The following P2RY8 variants were observed in gnomAD, a reference collection of about 807,000 sequenced individuals.
The protein encoded by P2RY8 is P2Y receptor family member 8, also known as S-geranylgeranyl-glutathione receptor P2RY8.
A neutral mutation model predicts 10.0 loss-of-function variants in P2RY8; 6 were observed. The ratio of observed to expected loss-of-function variants is 0.60; its 90% CI spans 0.33 to 1.19. The LOEUF (loss-of-function observed/expected upper bound fraction) is 1.19. Among genes scored for constraint, P2RY8 ranks in the 50% most tolerant of loss-of-function variants. P2RY8 has a pLI of 0.04. For synonymous variants in P2RY8, 276 were observed against 252.5 expected (o/e 1.09, Z -0.88); for missense variants, 456 against 542.0 (o/e 0.84, Z 1.58).
chrX:1,467,046 C>T (rs1324450862), intron 1 of P2RY8, among the ~76,000 whole-genome samples: 1 of 136,638 alleles, frequency 7.3e-6, no homozygotes, highest in Admixed American at 7.4e-5. Context: ...GACTCAGTGT[C>T]CCCCGTGGAC....
At chrX:1,512,407 CGTG>C (rs2092304912) in intron 1 of P2RY8, among the ~76,000 whole-genome samples, 1 of 151,820 alleles carries the variant, frequency 6.6e-6, no homozygotes, top group African/African-American at 2.4e-5. Flanking sequence ...ATTAGCCAGG[CGTG>C]GTGGTGGGTA....
intron 1 of P2RY8, among the ~76,000 whole-genome samples, chrX:1,478,838 T>C (rs1258491872): frequency 6.6e-6 from 1 of 151,972 alleles, no homozygotes; most frequent in Non-Finnish European, 1.5e-5. Flanking sequence ...AGCTAGGTGG[T>C]GGGCTCATGG....
Position 1,481,766 on chromosome X carries a change from A to C in P2RY8, c.-24-15184T>G, listed in dbSNP as rs182322159. On this transcript the variant is annotated intron_variant, in intron 1 of 1. Transcript: ENST00000381297. The stretch of plus-strand genomic sequence containing the variant: ...ACGAACTCTGTGTTCTACTGACTTC[A>C]AAGTGACCCACCAGCCCCAGTGAAC... Among the ~76,000 whole-genome samples, 561 of 152,254 alleles carry C rather than the reference A, an allele frequency of 3.7e-3. 3 individuals are homozygous for C. The highest frequency in any genetic ancestry group is 4.3e-3 in the Non-Finnish European group (292 of 68,004).
At chrX:1,497,546 TA>T (rs1330454806) in intron 1 of P2RY8, among the ~76,000 whole-genome samples, 5 of 151,602 alleles carry the variant, frequency 3.3e-5, no homozygotes, top group Non-Finnish European at 7.4e-5. Context: ...TAATCCCAGC[TA>T]CTCAGGAGGC....
intron 1 of P2RY8, among the ~76,000 whole-genome samples, chrX:1,490,193 C>A (rs867385546): frequency 0.018 from 2,305 of 130,170 alleles, 2 homozygotes; most frequent in Non-Finnish European, 0.025. Flanking sequence ...AATGATACCC[C>A]AGATTCACTT....
intron 1 of P2RY8, among the ~76,000 whole-genome samples, chrX:1,469,460 C>T (rs2091754248): frequency 6.6e-6 from 1 of 152,044 alleles, no homozygotes; most frequent in South Asian, 2.1e-4. Flanking sequence ...AGCCACTGCA[C>T]CTGGCCAGGT....
chrX:1,516,360 A>C (rs371889825), intron 1 of P2RY8, among the ~76,000 whole-genome samples: 250 of 151,736 alleles, frequency 1.6e-3, no homozygotes, highest in African/African-American at 5.2e-3. Context: ...GACGGTGTCT[A>C]CAAGCCCAGG....
intron 1 of P2RY8, among the ~76,000 whole-genome samples, chrX:1,522,547 C>G (rs1302386413): frequency 2.6e-5 from 4 of 152,158 alleles, no homozygotes; most frequent in Admixed American, 2.6e-4. Flanking sequence ...GTCCCAGCAC[C>G]TTGGGAGGCC....
chrX:1,488,763 T>TGTGA (rs1556678206), intron 1 of P2RY8, among the ~76,000 whole-genome samples: 2 of 150,188 alleles, frequency 1.3e-5, no homozygotes, highest in African/African-American at 5.0e-5. Context: ...TGTGTGTGTG[T>TGTGA]GATACAGGAC....
intron 1 of P2RY8, among the ~76,000 whole-genome samples, chrX:1,514,056 A>G (rs1343333661): frequency 6.6e-6 from 1 of 152,172 alleles, no homozygotes; most frequent in Non-Finnish European, 1.5e-5. Flanking sequence ...CGCACCATTG[A>G]ACCCACTACA....
intron 1 of P2RY8, among the ~76,000 whole-genome samples, chrX:1,484,236 G>A (rs1162890564): frequency 1.3e-5 from 2 of 152,106 alleles, no homozygotes; most frequent in African/African-American, 2.4e-5. Context: ...TCCAGTATAC[G>A]TATTTCCCCA....
chrX:1,473,852 G>A (rs1338549052), intron 1 of P2RY8, among the ~76,000 whole-genome samples: 6 of 150,482 alleles, frequency 4.0e-5, no homozygotes, highest in Admixed American at 4.0e-4. Context: ...GGATGGATCA[G>A]TGTTTAGATA....
intron 1 of P2RY8, among the ~76,000 whole-genome samples, chrX:1,524,737 CCA>C (rs2092425969): frequency 1.8e-5 from 1 of 55,654 alleles, no homozygotes; most frequent in African/African-American, 7.1e-5. Context: ...ATCCATACAT[CCA>C]TGCATCCATC....
rs1370435639 is a variant in P2RY8, at chrX:1,500,126, G to T, written c.-24-33544C>A. ...GCCTGCCTCGGCCTCCCAAAGTGCT[G>T]GGATGACAGGCGTGAGCCACCGCGC... On this transcript the variant is annotated intron_variant, in intron 1 of 1. Coordinates refer to ENST00000381297, the MANE Select transcript of P2RY8 (RefSeq NM_178129.5). Among the ~76,000 whole-genome samples, 6 of 151,428 alleles carry T rather than the reference G, an allele frequency of 4.0e-5. No homozygotes were observed. The East Asian group carries it at 1.2e-3, about 29-fold the overall frequency.
Position 1,465,608 on chromosome X carries a change from G to A in P2RY8, c.951C>T (p.Thr317=), listed in dbSNP as rs745339756. ...YLGCRRVPRD[T]LDTRRESLFS... Reference sequence around the variant, plus strand: ...AGAGGCTCTCGCGGCGCGTGTCCAGGGTGTCTCTGGGCACCCGGCGGCAGC... The same window carrying A: ...AGAGGCTCTCGCGGCGCGTGTCCAGAGTGTCTCTGGGCACCCGGCGGCAGC... Residue 317 remains threonine, a synonymous_variant, in exon 2 of 2, where the codon ACC becomes ACT. Coordinates refer to ENST00000381297, the MANE Select transcript of P2RY8 (RefSeq NM_178129.5). 12 of 1,613,146 alleles carry A rather than the reference G, an allele frequency of 7.4e-6. No individual in the cohort carries two copies. Among genetic ancestry groups the A allele is most frequent in the South Asian group, 1.1e-5 (1 of 91,080 alleles).
chrX:1,495,319 C>T (rs2092105179), intron 1 of P2RY8, among the ~76,000 whole-genome samples: 1 of 152,186 alleles, frequency 6.6e-6, no homozygotes, highest in South Asian at 2.1e-4. Context: ...TAGGACCACA[C>T]AATGTGGCTG....
chrX:1,487,168 G>A (rs1178180245), intron 1 of P2RY8, among the ~76,000 whole-genome samples: 140 of 152,240 alleles, frequency 9.2e-4, no homozygotes, highest in African/African-American at 3.2e-3. Context: ...GTGACCTCAC[G>A]GTGTCCCTCA....
intron 1 of P2RY8, among the ~76,000 whole-genome samples, chrX:1,506,773 G>T (rs1220816122): frequency 1.3e-5 from 2 of 151,784 alleles, no homozygotes; most frequent in African/African-American, 2.4e-5. Flanking sequence ...TGCCTCCCTG[G>T]TTGAAGTGAT....
chrX:1,536,421 C>A (rs1184749636), intron 1 of P2RY8, among the ~76,000 whole-genome samples: 7 of 152,112 alleles, frequency 4.6e-5, no homozygotes, highest in Non-Finnish European at 8.8e-5. Flanking sequence ...ACCACCAAGC[C>A]CAGCTAATTT....
Sources: allele counts gnomAD v4.1 joint callset (sites outside exome capture counted in the v4.1 genomes callset), GRCh38; gene constraint gnomAD v4.1.1; transcripts MANE v1.5; gene names NCBI Gene and HGNC (gene_info 2026-07-23, HGNC 2026-07-21).